The following PTPN13 variants were observed in gnomAD, a reference collection of about 807,000 sequenced individuals.
PTPN13 encodes tyrosine-protein phosphatase non-receptor type 13.
In PTPN13, 191 loss-of-function variants were observed where a neutral mutation model predicts 284.0. That is an observed-to-expected ratio of 0.67 (90% CI 0.60 to 0.76). PTPN13 has a LOEUF of 0.76. Among genes scored for constraint, PTPN13 ranks in the 30% least tolerant of loss-of-function variants. PTPN13 has a pLI of 0.00. For missense variants in PTPN13, 2,797 were observed against 2,939.9 expected (o/e 0.95, Z 1.12); for synonymous variants, 986 against 1,022.3 (o/e 0.96, Z 0.68).
intron 6 of PTPN13, 108 bp from the exon 7 acceptor site, chr4:86,701,133 T>C (rs1731106829): frequency 7.7e-6 from 6 of 780,908 alleles, no homozygotes; most frequent in Non-Finnish European, 1.2e-5. Context: ...TGATCTTCCA[T>C]TTGGAGCATT....
intron 2 of PTPN13, among the ~76,000 whole-genome samples, chr4:86,643,917 T>A (rs1724109727): frequency 6.6e-6 from 1 of 152,148 alleles, no homozygotes; most frequent in Admixed American, 6.5e-5. Context: ...GATAACACTC[T>A]TATCAATACA....
In PTPN13 at chr4:86,772,953, G is replaced by A; in HGVS notation, c.5344G>A (p.Glu1782Lys). 6.3e-7 allele frequency: 1 copy of A among 1,580,854 alleles called. No homozygotes were observed. The highest frequency in any genetic ancestry group is 8.6e-7 in the Non-Finnish European group (1 of 1,164,164). The stretch of plus-strand genomic sequence containing the variant: ...CTTGGAAAATCACCTTGAAGACTTT[G>A]AACTGGTAAGTTGTTTTCTCTATAT... ...NDLENHLEDF[E>K]LEVELLITLI... is the part of the protein sequence containing the mutation. Residue 1782 changes from glutamate to lysine, a missense_variant, in exon 32 of 48, where the codon GAA becomes AAA. By Grantham distance (56) the Glu-to-Lys change is moderately conservative. Coordinates refer to ENST00000411767, the MANE Select transcript of PTPN13 (RefSeq NM_080683.3).
In PTPN13 at chr4:86,677,318, CT is replaced by C. The variant is rs1175955514; in HGVS notation, c.294+4790del. On this transcript the variant is annotated intron_variant, in intron 3 of 47. Transcript: ENST00000411767. ...CTTAAAAATAGATGGTAAATTTAGT[CT>C]TTTTTTTTTTTTTTGAGACGGAGTC... Among the ~76,000 whole-genome samples, 1,053 of 138,462 alleles carry C rather than the reference CT, an allele frequency of 7.6e-3. 5 individuals are homozygous for C. The highest frequency in any genetic ancestry group is 0.015 in the Middle Eastern group (4 of 268). 90.8% of individuals were successfully genotyped at this position (138,462 alleles called of 152,430 possible).
chr4:86,676,377 G>A (rs1254056892), intron 3 of PTPN13, among the ~76,000 whole-genome samples: 1 of 152,220 alleles, frequency 6.6e-6, no homozygotes, highest in Non-Finnish European at 1.5e-5. Flanking sequence ...TGGCGAGGAT[G>A]CAGAGAAATT....
intron 4 of PTPN13, among the ~76,000 whole-genome samples, chr4:86,688,269 C>G (rs994061627): frequency 6.6e-6 from 1 of 152,072 alleles, no homozygotes; most frequent in Non-Finnish European, 1.5e-5. Flanking sequence ...TTTAAACTCC[C>G]GTCAGCTTGG....
chr4:86,626,832 C>A (rs542987651), intron 1 of PTPN13, among the ~76,000 whole-genome samples: 20 of 152,164 alleles, frequency 1.3e-4, no homozygotes, highest in African/African-American at 4.8e-4. Flanking sequence ...GTTCCCCCAA[C>A]CCCTACGTTA....
Position 86,701,574 on chromosome 4 carries a change from G to T in PTPN13, c.968G>T (p.Arg323Leu), listed in dbSNP as rs115836094. The T allele has an allele frequency of 1.2e-6, 2 of 1,613,782 alleles. No homozygotes were observed. The highest frequency in any genetic ancestry group is 2.2e-5 in the South Asian group (2 of 91,064). Residue 323 changes from arginine (R) to leucine (L), a missense_variant, in exon 7 of 48, where the codon CGT (arginine) becomes CTT (leucine). By Grantham distance (102) the Arg-to-Leu change is moderately radical. Transcript: ENST00000411767. ...FSSGETATYR[R>L]CHPEAVTVRT... is the part of the protein sequence containing the mutation. ...TCAGGAGAGACTGCCACATATCGTC[G>T]TTGTCACCCTGAGGCAGTAACAGTG... is the stretch of plus-strand genomic sequence containing the variant.
chr4:86,701,302 T>G lies in PTPN13; in HGVS notation c.696T>G (p.Phe232Leu). 1 of 1,612,216 alleles carries G rather than the reference T, an allele frequency of 6.2e-7. No homozygotes were observed. The highest frequency in any genetic ancestry group is 8.5e-7 in the Non-Finnish European group (1 of 1,179,064). The change falls in exon 7 of 48, where the codon TTT becomes TTG. Residue 232 changes from phenylalanine (F) to leucine (L), a missense_variant. Physicochemically the swap from Phe to Leu is conservative, Grantham distance 22. Transcript: ENST00000411767. ...AGCCTCCACTCTCTCATCAGACCTT[T>G]CTTAACAAAGGGCTTAGTAAATCTA... Reference protein sequence around the residue: ...IQKPPLSHQTFLNKGLSKSMG... With the variant: ...IQKPPLSHQTLLNKGLSKSMG...
Position 86,731,717 on chromosome 4 carries a change from C to T in PTPN13, c.1609-683C>T, listed in dbSNP as rs189095452. On this transcript the variant is annotated intron_variant, in intron 10 of 47. Coordinates refer to ENST00000411767, the MANE Select transcript of PTPN13 (RefSeq NM_080683.3). ...GGAGTGTAGTGGTGTGATTATAGCTCACAGCAGCCTGGAACTCATGGGCAC... is the reference window on the plus strand; with the variant it reads ...GGAGTGTAGTGGTGTGATTATAGCTTACAGCAGCCTGGAACTCATGGGCAC... 1.8e-3 allele frequency among the ~76,000 whole-genome samples: 277 copies of T among 152,196 alleles called. 1 individual carries two copies. Among genetic ancestry groups the T allele is most frequent in the Admixed American group, 3.2e-3 (49 of 15,278 alleles).
Position 86,722,369 on chromosome 4 carries a change from G to C in PTPN13, c.1543G>C (p.Asp515His). Residue 515 changes from aspartate to histidine, a missense_variant, in exon 10 of 48, where the codon GAC (aspartate) becomes CAC (histidine). Coordinates refer to ENST00000411767, the MANE Select transcript of PTPN13 (RefSeq NM_080683.3). ...PGDTIKASMLDITRDPLREIA... is the reference protein window; with the variant it reads ...PGDTIKASMLHITRDPLREIA... ...AGACACAATCAAAGCGTCCATGCTTGACATCACCAGGGATCCGTTAAGAGA... is the reference window on the plus strand; with the variant it reads ...AGACACAATCAAAGCGTCCATGCTTCACATCACCAGGGATCCGTTAAGAGA... 1 of 1,613,798 alleles carries C rather than the reference G, an allele frequency of 6.2e-7. No individual in the cohort carries two copies. The highest frequency in any genetic ancestry group is 8.5e-7 in the Non-Finnish European group (1 of 1,179,806).
Position 86,803,713 on chromosome 4 carries a change from T to C in PTPN13, c.6510T>C (p.His2170=). ...AAATTGCTGTCTTCCTATTAGATCATTCCTTTCTGACAAACGATGAGCTCG... is the reference window on the plus strand; with the variant it reads ...AAATTGCTGTCTTCCTATTAGATCACTCCTTTCTGACAAACGATGAGCTCG... ...RTNHEDSDKD[H]SFLTNDELAV... The change falls in exon 43 of 48, where the codon CAT becomes CAC. Residue 2170 remains histidine, a synonymous_variant. Coordinates refer to ENST00000411767, the MANE Select transcript of PTPN13 (RefSeq NM_080683.3). The C allele has an allele frequency of 6.2e-7, 1 of 1,613,732 alleles. No homozygotes were observed.
Position 86,758,345 on chromosome 4 carries a change from C to T in PTPN13, c.3309C>T (p.Gly1103=), listed in dbSNP as rs147210448. ...LVNLKKDAKY[G]LGFQIIGGEK... ...ACCTGAAAAAAGATGCAAAGTATGG[C>T]TTGGGTAAGTCACCGTGAGATTCTT... The change falls in exon 21 of 48, where the codon GGC becomes GGT. Residue 1103 remains glycine, a synonymous_variant. Transcript: ENST00000411767. 2.6e-5 allele frequency: 41 copies of T among 1,603,030 alleles called. No individual in the cohort carries two copies. The East Asian group carries it at 8.7e-4, about 34-fold the overall frequency.
chr4:86,598,912 G>A (rs895317423), intron 1 of PTPN13, among the ~76,000 whole-genome samples: 17 of 152,158 alleles, frequency 1.1e-4, no homozygotes, highest in African/African-American at 3.1e-4. Context: ...CTGCAGGTGC[G>A]CGCTATCCAG....
intron 42 of PTPN13, among the ~76,000 whole-genome samples, chr4:86,803,063 A>ACT (rs1344811165): frequency 6.1e-4 from 67 of 109,902 alleles, no homozygotes; most frequent in African/African-American, 2.2e-3. Flanking sequence ...ACAGAATAAG[A>ACT]CTGTGTGTGT....
At chr4:86,736,970 A>G (rs758610188) in intron 15 of PTPN13, among the ~76,000 whole-genome samples, 6 of 152,194 alleles carry the variant, frequency 3.9e-5, no homozygotes, top group African/African-American at 1.2e-4. Flanking sequence ...CACTTTTGCT[A>G]TATATTATGT....
chr4:86,797,366 C>T (rs1743461847), intron 41 of PTPN13, among the ~76,000 whole-genome samples: 1 of 152,000 alleles, frequency 6.6e-6, no homozygotes, highest in South Asian at 2.1e-4. Context: ...GTGACACATG[C>T]CTGTAATCCC....
chr4:86,764,854 G>A, intron 25 of PTPN13, 130 bp downstream of exon 25: 2 of 1,031,088 alleles, frequency 1.9e-6, no homozygotes, highest in Non-Finnish European at 2.7e-6. Context: ...TTCTAAAACT[G>A]AATCATATCT....
intron 2 of PTPN13, among the ~76,000 whole-genome samples, chr4:86,650,764 A>T (rs1453986447): frequency 6.6e-6 from 1 of 152,096 alleles, no homozygotes; most frequent in Non-Finnish European, 1.5e-5. Flanking sequence ...TTGTATGTTG[A>T]TTTTTGTATC....
intron 7 of PTPN13, among the ~76,000 whole-genome samples, chr4:86,712,382 A>G (rs185589480): frequency 3.1e-4 from 47 of 151,808 alleles, no homozygotes; most frequent in African/African-American, 1.1e-3. Context: ...GTTTCTGCTC[A>G]GATGACTTGT....
Sources: allele counts gnomAD v4.1 joint callset (sites outside exome capture counted in the v4.1 genomes callset), GRCh38; gene constraint gnomAD v4.1.1; transcripts MANE v1.5; gene names NCBI Gene and HGNC (gene_info 2026-07-23, HGNC 2026-07-21).